FNIP2: variants seen among roughly 807,000 people sequenced by gnomAD.
FNIP2 encodes the protein folliculin interacting protein 2, also known as folliculin-interacting protein 2.
FNIP2 carries 32 observed loss-of-function variants against 108.7 expected under a neutral mutation model. That is an observed-to-expected ratio of 0.29 (90% CI 0.22 to 0.40). FNIP2 has a LOEUF of 0.40. FNIP2 is among the 10% of genes least tolerant of loss of function. The pLI, the probability that FNIP2 is intolerant of heterozygous loss-of-function variation, is 1.00. For synonymous variants in FNIP2, 480 were observed against 496.7 expected (o/e 0.97, Z 0.45); for missense variants, 1,202 against 1,381.6 (o/e 0.87, Z 2.06).
intron 14 of FNIP2, among the ~76,000 whole-genome samples, chr4:158,876,787 G>A (rs1164294253): frequency 6.6e-6 from 1 of 152,194 alleles, no homozygotes; most frequent in Non-Finnish European, 1.5e-5. Context: ...CTTTAGTGTG[G>A]CCCTTTCTTC....
chr4:158,867,964 A>G, intron 12 of FNIP2, 138 bp from the exon 13 acceptor site: 1 of 1,233,316 alleles, frequency 8.1e-7, no homozygotes, highest in Admixed American at 2.2e-5. Context: ...TCCTTACTAG[A>G]GAGTAGAAAT....
intron 14 of FNIP2, among the ~76,000 whole-genome samples, chr4:158,890,853 GCTGGTA>G (rs1415124208): frequency 2.0e-5 from 3 of 152,132 alleles, no homozygotes; most frequent in African/African-American, 7.2e-5. Context: ...GGTCTTCTGT[GCTGGTA>G]CTAACAAGGA....
At chr4:158,819,891 A>G (rs140063828) in intron 1 of FNIP2, among the ~76,000 whole-genome samples, 255 of 152,296 alleles carry the variant, frequency 1.7e-3, no homozygotes, top group African/African-American at 5.7e-3. Context: ...TTGAGAGAAT[A>G]AGGAAACGGT....
At chr4:158,815,538 A>G (rs780988058) in intron 1 of FNIP2, among the ~76,000 whole-genome samples, 3 of 151,746 alleles carry the variant, frequency 2.0e-5, no homozygotes, top group Non-Finnish European at 4.4e-5. Context: ...GCCCGCCACC[A>G]CGCCCAGCTA....
chr4:158,879,788 G>C (rs966312928), intron 14 of FNIP2, among the ~76,000 whole-genome samples: 4 of 150,392 alleles, frequency 2.7e-5, no homozygotes, highest in Non-Finnish European at 5.9e-5. Context: ...CAAAGGATAT[G>C]AACAGACACT....
rs192137973 is a variant in FNIP2, at chr4:158,880,406, A to T, written c.2949+9937A>T. ...AATTGAACAATGAGAACACATGGACACAGGAGGGGGAGCATCACACACTGG... is the reference window on the plus strand; with the variant it reads ...AATTGAACAATGAGAACACATGGACTCAGGAGGGGGAGCATCACACACTGG... On this transcript the variant is annotated intron_variant, in intron 14 of 16. Coordinates refer to ENST00000264433, the MANE Select transcript of FNIP2 (RefSeq NM_020840.3). 6.8e-3 allele frequency among the ~76,000 whole-genome samples: 1,030 copies of T among 152,288 alleles called. 11 individuals are homozygous for T. Among genetic ancestry groups the T allele is most frequent in the Non-Finnish European group, 0.011 (720 of 68,030 alleles).
intron 7 of FNIP2, among the ~76,000 whole-genome samples, chr4:158,842,571 C>T (rs969416365): frequency 3.3e-5 from 5 of 152,156 alleles, no homozygotes; most frequent in Middle Eastern, 3.4e-3. Flanking sequence ...CATATAAATG[C>T]GCAGAGTGAG....
At chr4:158,832,201 A>C (rs1778524679) in intron 5 of FNIP2, 63 bp downstream of exon 5, 21 of 1,348,896 alleles carry the variant, frequency 1.6e-5, no homozygotes, top group Non-Finnish European at 2.1e-5. Flanking sequence ...TAGATAGACT[A>C]ATTCTTTAAG....
intron 1 of FNIP2, among the ~76,000 whole-genome samples, chr4:158,798,036 C>A (rs567739137): frequency 6.6e-6 from 1 of 152,196 alleles, no homozygotes; most frequent in South Asian, 2.1e-4. Flanking sequence ...ACCAAGGCTT[C>A]TAGGTTTTTT....
chr4:158,852,613 G>A (rs749126086), intron 8 of FNIP2, among the ~76,000 whole-genome samples: 7 of 152,158 alleles, frequency 4.6e-5, no homozygotes, highest in Non-Finnish European at 1.0e-4. Flanking sequence ...GGTTAAATGA[G>A]ATAAATCAAG....
chr4:158,769,714 A>G (rs1775629810), intron 1 of FNIP2, among the ~76,000 whole-genome samples: 2 of 152,204 alleles, frequency 1.3e-5, no homozygotes, highest in Admixed American at 6.5e-5. Flanking sequence ...GGCAGCTCCA[A>G]CCTATTGTGT....
chr4:158,783,049 C>T (rs139312420), intron 1 of FNIP2, among the ~76,000 whole-genome samples: 2 of 152,316 alleles, frequency 1.3e-5, no homozygotes, highest in East Asian at 3.9e-4. Flanking sequence ...CTTTAGTTTA[C>T]TCCAGCAGAG....
Position 158,906,073 on chromosome 4 carries a change from T to C in FNIP2, c.*1529T>C, listed in dbSNP as rs1729818725. 1 of 152,228 alleles carries C rather than the reference T, an allele frequency of 6.6e-6. No individual in the cohort carries two copies. Among genetic ancestry groups the C allele is most frequent in the Non-Finnish European group, 1.5e-5 (1 of 68,038 alleles). The allele number at this position is 152,228 out of a possible 1,614,324, so 9.4% of individuals were successfully genotyped here. On this transcript the variant is annotated 3_prime_UTR_variant, in exon 17 of 17. Transcript: ENST00000264433. ...AAAATGTAGATGAGTGCATTAAGTTTTGTAAGATCTTTATCATTTTATGTC... is the reference window on the plus strand; with the variant it reads ...AAAATGTAGATGAGTGCATTAAGTTCTGTAAGATCTTTATCATTTTATGTC...
chr4:158,907,651 A>G lies in FNIP2; in HGVS notation c.*3107A>G, dbSNP rs1254336566. Reference sequence around the variant, plus strand: ...ACTTTAGAGAATATTTTGTTCATGCATACTTCCACGTTAAATTGAAAATGT... The same window carrying G: ...ACTTTAGAGAATATTTTGTTCATGCGTACTTCCACGTTAAATTGAAAATGT... On this transcript the variant is annotated 3_prime_UTR_variant, in exon 17 of 17. Coordinates refer to ENST00000264433, the MANE Select transcript of FNIP2 (RefSeq NM_020840.3). The G allele has an allele frequency of 2.0e-5, 3 of 152,332 alleles. No individual in the cohort carries two copies. Among genetic ancestry groups the G allele is most frequent in the Middle Eastern group, 3.4e-3 (1 of 294 alleles). 9.4% of individuals were successfully genotyped at this position (152,332 alleles called of 1,614,324 possible).
chr4:158,880,043 C>T (rs1265602331), intron 14 of FNIP2, among the ~76,000 whole-genome samples: 1 of 150,166 alleles, frequency 6.7e-6, no homozygotes. Context: ...GGCGATTCCT[C>T]AAGGATCTAG....
At chr4:158,841,733 A>C (rs1038112642) in intron 7 of FNIP2, among the ~76,000 whole-genome samples, 4 of 152,142 alleles carry the variant, frequency 2.6e-5, no homozygotes, top group Non-Finnish European at 5.9e-5. Flanking sequence ...CAGAGTTCTG[A>C]TGAGGTATGG....
intron 14 of FNIP2, among the ~76,000 whole-genome samples, chr4:158,887,310 TAAA>T (rs1044016257): frequency 2.6e-5 from 4 of 152,352 alleles, no homozygotes; most frequent in African/African-American, 9.6e-5. Flanking sequence ...ATTGTGAACT[TAAA>T]AAACTTACTT....
rs1729966837 is a variant in FNIP2, at chr4:158,907,748, A to T, written c.*3204A>T. On this transcript the variant is annotated 3_prime_UTR_variant, in exon 17 of 17. Coordinates refer to ENST00000264433, the MANE Select transcript of FNIP2 (RefSeq NM_020840.3). ...TTGGGGGAGAGGGTATTTTAATATA[A>T]TTTTTGCCTAAATCAAGAAGTCCCC... The T allele has an allele frequency of 6.6e-6, 1 of 152,102 alleles. No homozygotes were observed. The highest frequency in any genetic ancestry group is 1.5e-5 in the Non-Finnish European group (1 of 68,006). 9.4% of individuals were successfully genotyped at this position (152,102 alleles called of 1,614,324 possible).
chr4:158,891,706 T>C, intron 15 of FNIP2, 60 bp downstream of exon 15: 1 of 1,436,804 alleles, frequency 7.0e-7, no homozygotes, highest in East Asian at 2.4e-5. Context: ...TTAACGACAT[T>C]TTGATTATAA....
Sources: gnomAD v4.1 joint callset for allele counts (sites outside exome capture counted in the v4.1 genomes callset) on GRCh38, gnomAD v4.1.1 for gene constraint, MANE v1.5 for transcripts, NCBI Gene and HGNC (gene_info 2026-07-23, HGNC 2026-07-21) for gene names.